The following RGS22 variants were observed in gnomAD, a reference collection of about 807,000 sequenced individuals.
RGS22 encodes the protein regulator of G-protein signaling 22.
Under a neutral mutation model 172.9 loss-of-function variants are expected in RGS22, and 148 were observed. The ratio of observed to expected loss-of-function variants is 0.86; its 90% CI spans 0.75 to 0.98. RGS22 has a LOEUF of 0.98. Among genes scored for constraint, RGS22 ranks in the 50% least tolerant of loss-of-function variants. The pLI is 0.00. For missense variants in RGS22, 1,347 were observed against 1,440.8 expected (o/e 0.93, Z 1.05); for synonymous variants, 458 against 480.2 (o/e 0.95, Z 0.60).
chr8:100,101,363 T>C (rs375793682), intron 2 of RGS22, among the ~76,000 whole-genome samples: 138 of 151,548 alleles, frequency 9.1e-4, no homozygotes, highest in African/African-American at 2.8e-3. Context: ...CTCAGCTCGC[T>C]GCAACCTCTG....
intron 8 of RGS22, 91 bp from the exon 9 acceptor site, chr8:100,062,843 C>T (rs1810254094): frequency 9.6e-7 from 1 of 1,040,818 alleles, no homozygotes; most frequent in Admixed American, 2.6e-5. Context: ...AGAATAAACA[C>T]AAGTTAAAGA....
chr8:100,059,602 T>C (rs1431057276), intron 9 of RGS22, among the ~76,000 whole-genome samples: 1 of 152,098 alleles, frequency 6.6e-6, no homozygotes, highest in East Asian at 1.9e-4. Context: ...CAATTTTAAA[T>C]ATATATGTAC....
chr8:100,043,389 G>T (rs1820352426), intron 11 of RGS22, among the ~76,000 whole-genome samples: 2 of 152,190 alleles, frequency 1.3e-5, no homozygotes, highest in South Asian at 4.2e-4. Flanking sequence ...CATTTCCTCT[G>T]GATTCTATTC....
intron 4 of RGS22, among the ~76,000 whole-genome samples, chr8:100,074,252 C>T (rs961466167): frequency 1.3e-5 from 2 of 152,166 alleles, no homozygotes; most frequent in Middle Eastern, 3.2e-3. Flanking sequence ...CGTTATCAGC[C>T]AATAGATCTT....
chr8:100,043,305 G>T (rs1445060219), intron 11 of RGS22, among the ~76,000 whole-genome samples: 1 of 147,086 alleles, frequency 6.8e-6, no homozygotes, highest in Non-Finnish European at 1.5e-5. Flanking sequence ...AATTCCCTTG[G>T]CTCTTGAACC....
At chr8:100,048,670 C>T (rs1030263203) in intron 10 of RGS22, among the ~76,000 whole-genome samples, 1 of 151,930 alleles carries the variant, frequency 6.6e-6, no homozygotes, top group Admixed American at 6.6e-5. Flanking sequence ...TATATAAGGG[C>T]TTACATCTGT....
At chr8:99,999,177 C>T in intron 19 of RGS22, 85 bp downstream of exon 19, 2 of 1,109,954 alleles carry the variant, frequency 1.8e-6, no homozygotes, top group South Asian at 3.6e-5. Flanking sequence ...AAAAAAAGGA[C>T]AATGGCTGGG....
intron 11 of RGS22, among the ~76,000 whole-genome samples, chr8:100,043,341 G>A (rs377273929): frequency 1.3e-5 from 2 of 152,140 alleles, no homozygotes; most frequent in East Asian, 3.8e-4. Context: ...CTTTGAATAT[G>A]AAGACCTTTG....
intron 4 of RGS22, among the ~76,000 whole-genome samples, chr8:100,076,092 T>C (rs1811328145): frequency 6.6e-6 from 1 of 152,200 alleles, no homozygotes. Context: ...TATTTTTGAG[T>C]TTTAAGAGTT....
In RGS22 at chr8:100,062,701, G is replaced by A. The variant is rs1288071752; in HGVS notation, c.1404C>T (p.Tyr468=). Residue 468 remains tyrosine (Y), a synonymous_variant, in exon 9 of 28, where the codon TAC becomes TAT. Transcript: ENST00000360863. ...KCYLVSNGDY[Y]LSAEILSKFK... is the part of the protein sequence containing the mutation. ...ATTTTGATAAGATTTCTGCAGAAAG[G>A]TAGTAATCTCCATTGCTCACTAGAT... 4 of 1,597,394 alleles carry A rather than the reference G, an allele frequency of 2.5e-6. No individual in the cohort carries two copies. The highest frequency in any genetic ancestry group is 3.4e-6 in the Non-Finnish European group (4 of 1,173,984).
chr8:100,101,929 A>G (rs1431053012), intron 2 of RGS22, among the ~76,000 whole-genome samples: 9 of 152,094 alleles, frequency 5.9e-5, no homozygotes, highest in Non-Finnish European at 1.2e-4. Flanking sequence ...AATCAAAAGC[A>G]GTTGTAATCA....
At chr8:100,030,126 T>C (rs183780323) in intron 14 of RGS22, among the ~76,000 whole-genome samples, 4 of 152,324 alleles carry the variant, frequency 2.6e-5, no homozygotes, top group Admixed American at 2.6e-4. Flanking sequence ...GTGGACCACA[T>C]ATACAATGGT....
At chr8:100,031,915 C>T (rs1484378791) in intron 14 of RGS22, among the ~76,000 whole-genome samples, 2 of 152,100 alleles carry the variant, frequency 1.3e-5, no homozygotes, top group Non-Finnish European at 2.9e-5. Context: ...TCCAGCCAAA[C>T]TAAGCTTCAT....
chr8:100,043,901 C>T (rs1409567046), intron 11 of RGS22, among the ~76,000 whole-genome samples: 10 of 152,054 alleles, frequency 6.6e-5, no homozygotes, highest in Non-Finnish European at 1.5e-4. Context: ...TACCTCAATA[C>T]CAACCTTACA....
intron 14 of RGS22, among the ~76,000 whole-genome samples, chr8:100,037,102 T>C: frequency 6.6e-6 from 1 of 152,122 alleles, no homozygotes; most frequent in East Asian, 1.9e-4. Flanking sequence ...CCTGGGATAA[T>C]TAGAACCTAA....
intron 23 of RGS22, among the ~76,000 whole-genome samples, chr8:99,972,749 A>G (rs1811498932): frequency 6.6e-6 from 1 of 152,160 alleles, no homozygotes; most frequent in African/African-American, 2.4e-5. Context: ...AAGTCAGGAA[A>G]TAAGCTGGGC....
At chr8:100,037,796 G>T (rs1035578000) in intron 14 of RGS22, among the ~76,000 whole-genome samples, 1 of 152,166 alleles carries the variant, frequency 6.6e-6, no homozygotes, top group African/African-American at 2.4e-5. Context: ...TACAGGTAAA[G>T]GATTAACAAA....
At chr8:100,096,140 C>T (rs552938109) in intron 2 of RGS22, among the ~76,000 whole-genome samples, 235 of 152,258 alleles carry the variant, frequency 1.5e-3, no homozygotes, top group Non-Finnish European at 2.7e-3. Context: ...CAAAATTAAG[C>T]CTTGAGCTGA....
At chr8:100,047,134 AT>A (rs1417584806) in intron 11 of RGS22, among the ~76,000 whole-genome samples, 2 of 152,156 alleles carry the variant, frequency 1.3e-5, no homozygotes, top group Admixed American at 1.3e-4. Context: ...ATTCTTGACA[AT>A]ATTCTTGAGA....
Sources: gnomAD v4.1 joint callset for allele counts (sites outside exome capture counted in the v4.1 genomes callset) on GRCh38, gnomAD v4.1.1 for gene constraint, MANE v1.5 for transcripts, NCBI Gene and HGNC (gene_info 2026-07-23, HGNC 2026-07-21) for gene names.